Variants in RERE observed in about 807,000 individuals in gnomAD.
RERE encodes arginine-glutamic acid dipeptide repeats protein.
In RERE, 40 loss-of-function variants were observed where a neutral mutation model predicts 146.1. The observed-to-expected ratio is 0.27, with a 90% CI of 0.21 to 0.36. The LOEUF is 0.36. RERE is among the 10% of genes least tolerant of loss of function. The pLI is 1.00. For synonymous variants in RERE, 1,003 were observed against 866.0 expected, an observed-to-expected ratio of 1.16 and a Z score of -2.78; for missense variants, 1,933 against 2,138.7, an observed-to-expected ratio of 0.90 and a Z score of 1.90.
chr1:8,408,615 A>C (rs1049148068), intron 12 of RERE, among the ~76,000 whole-genome samples: 4 of 152,162 alleles, frequency 2.6e-5, no homozygotes, highest in Non-Finnish European at 4.4e-5. Context: ...GGGCAGAGTT[A>C]AGGAAATAAA....
chr1:8,450,575 C>A (rs1353621821), intron 11 of RERE, among the ~76,000 whole-genome samples: 1 of 152,180 alleles, frequency 6.6e-6, no homozygotes, highest in African/African-American at 2.4e-5. Flanking sequence ...TGTCCTCTCA[C>A]ACGCAGTTCT....
Position 8,631,506 on chromosome 1 carries a change from C to G in RERE, c.326-7126G>C, listed in dbSNP as rs140376461. ...ATCAATCATATGCTATACAAACTTGCGAACTCTGTGGAACAAGAAAAAGCA... is the reference window on the plus strand; with the variant it reads ...ATCAATCATATGCTATACAAACTTGGGAACTCTGTGGAACAAGAAAAAGCA... On this transcript the variant is annotated intron_variant, in intron 2 of 22. Coordinates refer to ENST00000400908, the MANE Select transcript of RERE (RefSeq NM_001042681.2). Among the ~76,000 whole-genome samples the G allele has an allele frequency of 3.9e-3, 588 of 152,302 alleles. 4 individuals carry two copies. The Middle Eastern group carries it at 0.071, about 19-fold the overall frequency.
At chr1:8,560,129 G>A (rs1327486424) in intron 4 of RERE, among the ~76,000 whole-genome samples, 1 of 152,188 alleles carries the variant, frequency 6.6e-6, no homozygotes, top group Admixed American at 6.5e-5. Flanking sequence ...CACCTGTTTG[G>A]CAGTGCTTGG....
intron 1 of RERE, among the ~76,000 whole-genome samples, chr1:8,692,314 G>A (rs532082058): frequency 6.6e-6 from 1 of 151,100 alleles, no homozygotes; most frequent in Non-Finnish European, 1.5e-5. Context: ...TATAGTATCT[G>A]CATATAACCT....
chr1:8,700,114 C>T (rs955618873), intron 1 of RERE, among the ~76,000 whole-genome samples: 15 of 152,002 alleles, frequency 9.9e-5, no homozygotes, highest in Non-Finnish European at 1.8e-4. Context: ...AGACCAACCT[C>T]GCCAACATAG....
At chr1:8,569,838 G>C (rs1429459209) in intron 4 of RERE, among the ~76,000 whole-genome samples, 2 of 106,786 alleles carry the variant, frequency 1.9e-5, no homozygotes, top group African/African-American at 5.6e-5. Context: ...GCTGCAATAA[G>C]CTATGATGGC....
intron 1 of RERE, among the ~76,000 whole-genome samples, chr1:8,754,593 C>T (rs1016383780): frequency 6.6e-6 from 1 of 152,152 alleles, no homozygotes; most frequent in Non-Finnish European, 1.5e-5. Flanking sequence ...TCTTAATGAT[C>T]CTCATGCTAA....
chr1:8,545,925 T>C (rs1264045878), intron 6 of RERE, among the ~76,000 whole-genome samples: 2 of 148,466 alleles, frequency 1.3e-5, no homozygotes, highest in African/African-American at 5.0e-5. Flanking sequence ...CCTCGTGATC[T>C]GCCTGCCTCA....
intron 12 of RERE, among the ~76,000 whole-genome samples, chr1:8,405,946 T>C (rs1643426119): frequency 6.6e-6 from 1 of 152,188 alleles, no homozygotes; most frequent in Non-Finnish European, 1.5e-5. Flanking sequence ...GATTTTAATT[T>C]TCTACTGTAA....
intron 1 of RERE, among the ~76,000 whole-genome samples, chr1:8,695,492 A>G (rs1639307135): frequency 1.3e-5 from 2 of 149,416 alleles, no homozygotes; most frequent in African/African-American, 2.5e-5. Flanking sequence ...GCTCATGCCT[A>G]TAATCCCAGC....
intron 6 of RERE, among the ~76,000 whole-genome samples, chr1:8,552,646 A>G (rs1235345496): frequency 1.3e-5 from 2 of 152,178 alleles, no homozygotes; most frequent in African/African-American, 2.4e-5. Context: ...ATACACCCCA[A>G]ACATTTTTTA....
Position 8,484,829 on chromosome 1 carries a change from C to T in RERE, c.1104+10234G>A, listed in dbSNP as rs569900210. Among the ~76,000 whole-genome samples the T allele has an allele frequency of 2.4e-3, 364 of 152,314 alleles. 2 individuals carry two copies. The highest frequency in any genetic ancestry group is 8.3e-3 in the African/African-American group (346 of 41,568). ...TACGCCCAATGTTACTAAGAAATCC[C>T]TCTTTTCCTAATGAGAGAGACCAAC... On this transcript the variant is annotated intron_variant, in intron 10 of 22. Transcript: ENST00000400908.
intron 6 of RERE, among the ~76,000 whole-genome samples, chr1:8,549,485 G>A (rs957443199): frequency 2.0e-5 from 3 of 151,976 alleles, no homozygotes; most frequent in African/African-American, 4.8e-5. Flanking sequence ...CTTTACTACA[G>A]TGGAATTCCA....
chr1:8,682,920 T>C (rs1029467002), intron 1 of RERE, among the ~76,000 whole-genome samples: 4 of 145,052 alleles, frequency 2.8e-5, no homozygotes, highest in Middle Eastern at 3.9e-3. Flanking sequence ...TGATGGGAAA[T>C]ACAACTACTA....
chr1:8,597,899 A>C (rs905840148), intron 4 of RERE, among the ~76,000 whole-genome samples: 1 of 152,116 alleles, frequency 6.6e-6, no homozygotes, highest in African/African-American at 2.4e-5. Flanking sequence ...ATGGATAACT[A>C]TATTTCCTTA....
intron 10 of RERE, among the ~76,000 whole-genome samples, chr1:8,493,400 T>C (rs1281334120): frequency 1.3e-5 from 2 of 152,188 alleles, no homozygotes; most frequent in African/African-American, 2.4e-5. Context: ...TTTATGACAA[T>C]GTGAAAAAAC....
intron 1 of RERE, among the ~76,000 whole-genome samples, chr1:8,741,559 T>C (rs1176116351): frequency 6.6e-6 from 1 of 152,226 alleles, no homozygotes; most frequent in East Asian, 1.9e-4. Context: ...TCCGATCTGA[T>C]GGTTTTATAA....
At chr1:8,705,843 G>GC (rs1399367671) in intron 1 of RERE, among the ~76,000 whole-genome samples, 2 of 152,156 alleles carry the variant, frequency 1.3e-5, no homozygotes, top group Admixed American at 1.3e-4. Context: ...TTGGCCGGAT[G>GC]CGGTGGCTCA....
At position 8,410,449 on chromosome 1, in the gene RERE, T is replaced by A. The variant is rs909583604; in HGVS notation, c.1284+12278A>T. 1.3e-5 allele frequency among the ~76,000 whole-genome samples: 2 copies of A among 152,032 alleles called. 1 individual carries two copies. The highest frequency in any genetic ancestry group is 4.2e-4 in the South Asian group (2 of 4,814). ...GACGTTATGGCAAGAATCCTCTAAG[T>A]CTCCAAGGGACGAGATCAGAACAAT... is the stretch of plus-strand genomic sequence containing the variant. On this transcript the variant is annotated intron_variant, in intron 12 of 22. Coordinates refer to ENST00000400908, the MANE Select transcript of RERE (RefSeq NM_001042681.2).
Sources: allele counts gnomAD v4.1 joint callset (sites outside exome capture counted in the v4.1 genomes callset), GRCh38; gene constraint gnomAD v4.1.1; transcripts MANE v1.5; gene names NCBI Gene and HGNC (gene_info 2026-07-23, HGNC 2026-07-21).